Variants in PCDHGB3 observed in about 807,000 individuals in gnomAD.
PCDHGB3 encodes the protein protocadherin gamma-B3.
In PCDHGB3, 40 loss-of-function variants were observed where a neutral mutation model predicts 59.2. That is an observed-to-expected ratio of 0.68 (90% confidence interval 0.52 to 0.88). The LOEUF (loss-of-function observed/expected upper bound fraction) is 0.88. Ranked by LOEUF, PCDHGB3 falls within the 40% of genes least tolerant of loss-of-function variation. The pLI is 0.00. For missense variants in PCDHGB3, 1,309 were observed against 1,187.9 expected (o/e 1.10, Z -1.50); for synonymous variants, 581 against 503.6 (o/e 1.15, Z -2.06).
At chr5:141,401,813 T>C (rs2094195030) in intron 1 of PCDHGB3, among the ~76,000 whole-genome samples, 1 of 152,208 alleles carries the variant, frequency 6.6e-6, no homozygotes, top group Non-Finnish European at 1.5e-5. Context: ...ATGGGTTCCT[T>C]ACAAAGTGCT....
rs747671382 is a variant in PCDHGB3 at position 141,444,152 on chromosome 5, ATTTTTTTTTTTTTTTTTTTT to A, written c.2416-50638_2416-50619del. ...GATATGTGTCACTTGTGTGTACTGG[ATTTTTTTTTTTTTTTTTTTT>A]TTTTTTTTTTTTTTTTGAGATGGAG... On this transcript the variant is annotated intron_variant, in intron 1 of 3. Transcript: ENST00000576222. 2.4e-4 allele frequency among the ~76,000 whole-genome samples: 8 copies of A among 33,898 alleles called. No homozygotes were observed. In the East Asian group the frequency reaches 3.0e-3, roughly 13 times the overall value. 22.2% of individuals were successfully genotyped at this position (33,898 alleles called of 152,430 possible). A position where few individuals can be genotyped will look rare whatever the true frequency, so the allele number is the denominator to read the frequency against.
intron 1 of PCDHGB3, chr5:141,414,628 A>T (rs1471507988): frequency 4.3e-6 from 7 of 1,613,900 alleles, no homozygotes; most frequent in Non-Finnish European, 5.9e-6. Flanking sequence ...GGACCCGGAC[A>T]GCAAAGAGAA....
At chr5:141,391,576 T>A (rs1172672552) in intron 1 of PCDHGB3, 1 of 152,236 alleles carries the variant, frequency 6.6e-6, no homozygotes, top group Non-Finnish European at 1.5e-5. Flanking sequence ...AGAAAATATA[T>A]TCACAGGAAA....
chr5:141,403,299 T>A (rs1247528606), intron 1 of PCDHGB3: 1 of 1,613,896 alleles, frequency 6.2e-7, no homozygotes, highest in Admixed American at 1.7e-5. Flanking sequence ...AGAGTGAAAC[T>A]GTACGGAATA....
rs747671382 is a variant in PCDHGB3, at chr5:141,444,152, A to ATTTT, written c.2416-50622_2416-50619dup. Among the ~76,000 whole-genome samples the ATTTT allele has an allele frequency of 5.0e-4, 17 of 33,898 alleles. 5 individuals carry two copies. Among genetic ancestry groups the ATTTT allele is most frequent in the African/African-American group, 7.0e-4 (5 of 7,184 alleles). 22.2% of individuals were successfully genotyped at this position (33,898 alleles called of 152,430 possible). ...GATATGTGTCACTTGTGTGTACTGG[A>ATTTT]TTTTTTTTTTTTTTTTTTTTTTTTT... On this transcript the variant is annotated intron_variant, in intron 1 of 3. Transcript: ENST00000576222.
chr5:141,510,032 T>C (rs1410346284), intron 3 of PCDHGB3, among the ~76,000 whole-genome samples: 3 of 152,150 alleles, frequency 2.0e-5, no homozygotes, highest in Non-Finnish European at 4.4e-5. Flanking sequence ...GCTGGGCTGT[T>C]ATGTAGAGGT....
intron 1 of PCDHGB3, chr5:141,409,008 A>G (rs2095209237): frequency 6.2e-7 from 1 of 1,613,898 alleles, no homozygotes; most frequent in African/African-American, 1.3e-5. Context: ...GCCACTGACC[A>G]GGATGAGGGG....
At chr5:141,413,501 G>A (rs772110374) in intron 1 of PCDHGB3, 1 of 1,614,040 alleles carries the variant, frequency 6.2e-7, no homozygotes, top group Non-Finnish European at 8.5e-7. Context: ...TGCGTGGTGA[G>A]TTTTAATATC....
At chr5:141,508,903 G>A (rs1410291297) in intron 3 of PCDHGB3, among the ~76,000 whole-genome samples, 1 of 152,086 alleles carries the variant, frequency 6.6e-6, no homozygotes, top group East Asian at 1.9e-4. Flanking sequence ...GGGCGGGGCG[G>A]TGGCGGATCT....
In PCDHGB3 at chr5:141,432,536, G is replaced by A. The variant is rs767744134; in HGVS notation, c.2415+59727G>A. 6.2e-7 allele frequency: 1 copy of A among 1,614,050 alleles called. No individual in the cohort carries two copies. Among genetic ancestry groups the A allele is most frequent in the Non-Finnish European group, 8.5e-7 (1 of 1,180,006 alleles). On this transcript the variant is annotated intron_variant, in intron 1 of 3. Coordinates refer to ENST00000576222, the MANE Select transcript of PCDHGB3 (RefSeq NM_018924.5). This position sits in a 1 kb window ranked among gnomAD's most constrained non-coding sequence, Gnocchi z 6.0. ...CGGCTACCTGGTGACCAAGGTGGTG[G>A]CGGTGGACAGAGACTCCGGCCAGAA...
intron 1 of PCDHGB3, chr5:141,384,753 G>C (rs114533608): frequency 0.027 from 43,359 of 1,614,006 alleles, 841 homozygotes; most frequent in African/African-American, 0.094. Context: ...GACTCTTTGC[G>C]GTTGGGCTGT....
chr5:141,383,662 G>A (rs780831620), intron 1 of PCDHGB3: 10 of 1,614,042 alleles, frequency 6.2e-6, no homozygotes, highest in South Asian at 1.1e-5. Flanking sequence ...CCCCGAGAAT[G>A]TGCCAGTGGG....
At chr5:141,467,114 G>A (rs971182917) in intron 1 of PCDHGB3, among the ~76,000 whole-genome samples, 5 of 149,522 alleles carry the variant, frequency 3.3e-5, no homozygotes, top group South Asian at 2.1e-4. Context: ...GTACAATGGT[G>A]CAATCTCAGC....
chr5:141,466,195 C>G (rs1269214888), intron 1 of PCDHGB3, among the ~76,000 whole-genome samples: 1 of 151,748 alleles, frequency 6.6e-6, no homozygotes, highest in Non-Finnish European at 1.5e-5. Flanking sequence ...TTTTCAGACA[C>G]AGCCTTGCTC....
intron 1 of PCDHGB3, among the ~76,000 whole-genome samples, chr5:141,430,411 C>T (rs879587751): frequency 3.3e-5 from 5 of 150,942 alleles, no homozygotes; most frequent in African/African-American, 1.2e-4. Flanking sequence ...ACTAAAGTTT[C>T]TATTAAAGCG....
rs770630741 is a variant in PCDHGB3, at chr5:141,381,826, C to CTTTTT, written c.2415+9035_2415+9039dup. On this transcript the variant is annotated intron_variant, in intron 1 of 3. Coordinates refer to ENST00000576222, the MANE Select transcript of PCDHGB3 (RefSeq NM_018924.5). ...TTTCTTTCTTTCTTTCTTTCTTCTT[C>CTTTTT]TTTTTTTTTTTTTTTTTTTTTTGGC... Among the ~76,000 whole-genome samples, 477 of 74,206 alleles carry CTTTTT rather than the reference C, an allele frequency of 6.4e-3. 7 individuals are homozygous for CTTTTT. Among genetic ancestry groups the CTTTTT allele is most frequent in the African/African-American group, 7.2e-3 (117 of 16,174 alleles). The allele number at this position is 74,206 out of a possible 152,430, so 48.7% of individuals were successfully genotyped here.
chr5:141,375,495 T>A, intron 1 of PCDHGB3: 1 of 1,613,918 alleles, frequency 6.2e-7, no homozygotes, highest in Admixed American at 1.7e-5. Flanking sequence ...GGTGCCTCCA[T>A]CTTCTCTGTG....
chr5:141,403,137 G>C (rs2094359580), intron 1 of PCDHGB3: 1 of 1,614,038 alleles, frequency 6.2e-7, no homozygotes, highest in Non-Finnish European at 8.5e-7. Flanking sequence ...CTGGCGGAGC[G>C]CCGAGTCCGC....
In PCDHGB3 at chr5:141,511,281, G is replaced by A; in HGVS notation, c.*108G>A. The A allele has an allele frequency of 2.0e-6, 3 of 1,531,280 alleles. No homozygotes were observed. Among genetic ancestry groups the A allele is most frequent in the Non-Finnish European group, 2.6e-6 (3 of 1,137,132 alleles). 94.9% of individuals were successfully genotyped at this position (1,531,280 alleles called of 1,614,324 possible). ...TTCAGGGCTAACCCCCAGAATACTG[G>A]TAGGGGCCAAGGCCATGCTCCCCTT... On this transcript the variant is annotated 3_prime_UTR_variant, in exon 4 of 4. Transcript: ENST00000576222.
Sources: gnomAD v4.1 joint callset for allele counts (sites outside exome capture counted in the v4.1 genomes callset) on GRCh38, gnomAD v4.1.1 for gene constraint, Gnocchi (gnomAD v3.1) non-coding constraint, MANE v1.5 for transcripts, NCBI Gene and HGNC (gene_info 2026-07-23, HGNC 2026-07-21) for gene names.